TENM3: variants seen among roughly 807,000 people sequenced by gnomAD.
TENM3 encodes teneurin-3.
TENM3 carries 63 observed loss-of-function variants against 255.1 expected under a neutral mutation model. That is an observed-to-expected ratio of 0.25 (90% confidence interval 0.20 to 0.30). The LOEUF is 0.30. Ranked by LOEUF, TENM3 falls within the 10% of genes least tolerant of loss-of-function variation. TENM3 has a pLI of 1.00. For synonymous variants in TENM3, 1,306 were observed against 1,322.3 expected, an observed-to-expected ratio of 0.99 and a Z score of 0.27; for missense variants, 2,929 against 3,461.1, an observed-to-expected ratio of 0.85 and a Z score of 3.86.
At chr4:181,957,238 C>T in the TENM3 span, among the ~76,000 whole-genome samples, 1 of 152,172 alleles carries the variant, frequency 6.6e-6, no homozygotes. Flanking sequence ...GCACTAAGCC[C>T]TGGACATTAC....
At chr4:182,330,162 G>T (rs1763656762) in intron 2 of TENM3, among the ~76,000 whole-genome samples, 1 of 152,142 alleles carries the variant, frequency 6.6e-6, no homozygotes, top group Non-Finnish European at 1.5e-5. Context: ...CATGACTAAG[G>T]CCCCTATAAC....
the TENM3 span, among the ~76,000 whole-genome samples, chr4:181,763,241 G>A: frequency 4.6e-5 from 7 of 152,176 alleles, no homozygotes; most frequent in Admixed American, 1.3e-4. Flanking sequence ...TTTGACCTTC[G>A]TATTCTAAAT....
chr4:181,955,314 C>T, the TENM3 span, among the ~76,000 whole-genome samples: 1 of 152,070 alleles, frequency 6.6e-6, no homozygotes, highest in South Asian at 2.1e-4. Context: ...TTTTCCTCAC[C>T]TGCTTCCTTG....
chr4:182,025,891 A>G, the TENM3 span, among the ~76,000 whole-genome samples: 2 of 152,152 alleles, frequency 1.3e-5, no homozygotes, highest in South Asian at 4.1e-4. Flanking sequence ...TTTGTTACAT[A>G]GGTAGACATG....
At chr4:182,456,812 G>T (rs1019482607) in intron 3 of TENM3, among the ~76,000 whole-genome samples, 8 of 152,170 alleles carry the variant, frequency 5.3e-5, no homozygotes, top group African/African-American at 1.9e-4. Context: ...GAGATTTACA[G>T]GTGAGGAGTA....
chr4:182,233,196 G>A (rs867906992), intron 1 of TENM3, among the ~76,000 whole-genome samples: 4 of 152,090 alleles, frequency 2.6e-5, no homozygotes, highest in Admixed American at 6.5e-5. Flanking sequence ...CCCAAACAGC[G>A]GTGAGGGAAT....
At chr4:181,670,782 A>G in the TENM3 span, among the ~76,000 whole-genome samples, 1 of 152,032 alleles carries the variant, frequency 6.6e-6, no homozygotes, top group Non-Finnish European at 1.5e-5. Flanking sequence ...ACCATTTATG[A>G]CTCAGCTGCC....
chr4:182,775,979 TTATA>T (rs1554035562), intron 24 of TENM3, among the ~76,000 whole-genome samples: 2 of 151,618 alleles, frequency 1.3e-5, no homozygotes, highest in African/African-American at 2.4e-5. Context: ...GATAGATAGA[TTATA>T]TATATATAGA....
the TENM3 span, among the ~76,000 whole-genome samples, chr4:181,991,916 C>T: frequency 1.3e-5 from 2 of 152,090 alleles, no homozygotes; most frequent in African/African-American, 4.8e-5. Flanking sequence ...TTACTACTCA[C>T]AATCCTGCCT....
chr4:182,299,324 T>C (rs1761708319), intron 1 of TENM3, among the ~76,000 whole-genome samples: 1 of 152,124 alleles, frequency 6.6e-6, no homozygotes, highest in Non-Finnish European at 1.5e-5. Context: ...AATGCTAAAG[T>C]AAGACTTTAC....
rs116508320 is a variant in TENM3 at position 182,429,412 on chromosome 4, G to T, written c.511+82483G>T. Among the ~76,000 whole-genome samples, 1,189 of 152,122 alleles carry T rather than the reference G, an allele frequency of 7.8e-3. 18 individuals are homozygous for T. The highest frequency in any genetic ancestry group is 0.028 in the African/African-American group (1,141 of 41,490). ...GTTTATTTGCCTACACATATAAATT[G>T]CATAAGCAATTTCTTCTAAATGTGT... On this transcript the variant is annotated intron_variant, in intron 3 of 27. Transcript: ENST00000511685.
At chr4:181,997,876 G>A in the TENM3 span, among the ~76,000 whole-genome samples, 1 of 152,160 alleles carries the variant, frequency 6.6e-6, no homozygotes. Context: ...ATTGCGGCAA[G>A]AACAGGATTT....
chr4:182,426,007 C>CAA (rs55836889), intron 3 of TENM3, among the ~76,000 whole-genome samples: 79 of 90,710 alleles, frequency 8.7e-4, no homozygotes, highest in African/African-American at 2.3e-3. Context: ...GAGTCCATGT[C>CAA]AAAAAAAAAA....
the TENM3 span, among the ~76,000 whole-genome samples, chr4:181,777,998 A>C: frequency 2.6e-5 from 4 of 152,126 alleles, no homozygotes; most frequent in African/African-American, 9.7e-5. Context: ...CCCGTTACTT[A>C]TGCTGTAACT....
At chr4:181,544,033 G>A in the TENM3 span, among the ~76,000 whole-genome samples, 1 of 152,060 alleles carries the variant, frequency 6.6e-6, no homozygotes, top group Non-Finnish European at 1.5e-5. Flanking sequence ...CAGAAATGAA[G>A]AAAGAGAATA....
Position 182,653,832 on chromosome 4 carries a change from T to C in TENM3, c.1050T>C (p.Asn350=), listed in dbSNP as rs374694049. The C allele has an allele frequency of 1.2e-6, 2 of 1,613,238 alleles. 1 individual carries two copies. ...AGACTGAAAATGACACATTTGAGAATGGAAAAGTGAATTCTGATACCATGC... is the reference window on the plus strand; with the variant it reads ...AGACTGAAAATGACACATTTGAGAACGGAAAAGTGAATTCTGATACCATGC... The part of the protein sequence containing the change: ...LQQTENDTFE[N]GKVNSDTMPT... The change falls in exon 6 of 28, where the codon AAT becomes AAC. Residue 350 remains asparagine (N), a synonymous_variant. Transcript: ENST00000511685.
intron 3 of TENM3, among the ~76,000 whole-genome samples, chr4:182,569,656 G>A (rs1000467344): frequency 2.0e-5 from 3 of 152,178 alleles, no homozygotes; most frequent in African/African-American, 2.4e-5. Flanking sequence ...AAAAAGCTGA[G>A]ACCAGCTACT....
the TENM3 span, among the ~76,000 whole-genome samples, chr4:181,685,049 C>T: frequency 1.3e-5 from 2 of 151,304 alleles, no homozygotes; most frequent in African/African-American, 2.4e-5. Flanking sequence ...CAGCCATGAG[C>T]CACTGCACCT....
At chr4:182,174,212 G>A (rs535793561) in intron 1 of TENM3, among the ~76,000 whole-genome samples, 30 of 151,634 alleles carry the variant, frequency 2.0e-4, no homozygotes, top group Non-Finnish European at 4.0e-4. Context: ...GGATACTAAG[G>A]GTAGTGTCTC....
Sources: gnomAD v4.1 joint callset for allele counts (sites outside exome capture counted in the v4.1 genomes callset) on GRCh38, gnomAD v4.1.1 for gene constraint, MANE v1.5 for transcripts, NCBI Gene and HGNC (gene_info 2026-07-23, HGNC 2026-07-21) for gene names.